SCFD2: variants seen among roughly 807,000 people sequenced by gnomAD.
SCFD2 encodes sec1 family domain-containing protein 2.
A neutral mutation model predicts 58.9 loss-of-function variants in SCFD2; 54 were observed. That is an observed-to-expected ratio of 0.92 (90% CI 0.74 to 1.15). The LOEUF (loss-of-function observed/expected upper bound fraction) is 1.15, where lower values mean the gene tolerates loss of function less well. Among genes scored for constraint, SCFD2 ranks in the 50% most tolerant of loss-of-function variants. The pLI, the probability that SCFD2 is intolerant of heterozygous loss-of-function variation, is 0.00. For missense variants in SCFD2, 805 were observed against 836.6 expected, an observed-to-expected ratio of 0.96 and a Z score of 0.47; for synonymous variants, 321 against 335.9, an observed-to-expected ratio of 0.96 and a Z score of 0.49.
At chr4:53,195,788 A>T (rs1728040936) in intron 4 of SCFD2, among the ~76,000 whole-genome samples, 1 of 152,194 alleles carries the variant, frequency 6.6e-6, no homozygotes, top group African/African-American at 2.4e-5. Flanking sequence ...GTTATTACAC[A>T]TTTAGGGCAA....
At chr4:53,317,172 C>A (rs1732891930) in intron 2 of SCFD2, among the ~76,000 whole-genome samples, 1 of 151,946 alleles carries the variant, frequency 6.6e-6, no homozygotes, top group Admixed American at 6.6e-5. Context: ...TGCTTCCTGT[C>A]CTAAACAGTT....
intron 4 of SCFD2, among the ~76,000 whole-genome samples, chr4:53,162,610 G>C (rs916876415): frequency 1.3e-5 from 2 of 151,406 alleles, no homozygotes; most frequent in African/African-American, 4.9e-5. Flanking sequence ...GTTGTTTCCT[G>C]ACTTTTTAAT....
At chr4:53,183,047 G>C (rs1430962019) in intron 4 of SCFD2, among the ~76,000 whole-genome samples, 9 of 152,198 alleles carry the variant, frequency 5.9e-5, no homozygotes, top group Admixed American at 5.2e-4. Context: ...CTTTTACACT[G>C]TTGGTGAGCC....
chr4:53,307,287 C>T (rs552454747), intron 3 of SCFD2, among the ~76,000 whole-genome samples: 7 of 152,294 alleles, frequency 4.6e-5, no homozygotes, highest in African/African-American at 1.4e-4. Context: ...AAGGCAGAAC[C>T]ATCTTTATAA....
chr4:52,927,546 T>G (rs1437660655), intron 5 of SCFD2, among the ~76,000 whole-genome samples: 1 of 152,252 alleles, frequency 6.6e-6, no homozygotes, highest in Non-Finnish European at 1.5e-5. Context: ...CCATTTTTAC[T>G]GAGTCTTTCA....
intron 5 of SCFD2, among the ~76,000 whole-genome samples, chr4:52,972,498 A>T (rs180906045): frequency 3.9e-4 from 59 of 152,336 alleles, no homozygotes; most frequent in African/African-American, 1.3e-3. Flanking sequence ...CCAATACAGG[A>T]GCACCCAGAT....
At chr4:53,311,916 G>C (rs1560441879) in intron 3 of SCFD2, among the ~76,000 whole-genome samples, 2 of 152,088 alleles carry the variant, frequency 1.3e-5, no homozygotes, top group Non-Finnish European at 2.9e-5. Context: ...TTATAGTCGA[G>C]AGCCACTGCG....
chr4:53,169,790 T>G (rs1727122863), intron 4 of SCFD2, among the ~76,000 whole-genome samples: 1 of 152,248 alleles, frequency 6.6e-6, no homozygotes, highest in Non-Finnish European at 1.5e-5. Context: ...ATTAGTGATT[T>G]GGGGCATGTT....
At chr4:53,300,656 G>C (rs1015921583) in intron 3 of SCFD2, among the ~76,000 whole-genome samples, 2 of 152,172 alleles carry the variant, frequency 1.3e-5, no homozygotes, top group Non-Finnish European at 2.9e-5. Flanking sequence ...ATTCTTTTCA[G>C]CACCACACCA....
In SCFD2 at chr4:52,920,836, T is replaced by A. The variant is rs781318544; in HGVS notation, c.1596A>T (p.Lys532Asn). The change falls in exon 6 of 9, where the codon AAA (lysine) becomes AAT (asparagine). Residue 532 changes from lysine to asparagine, a missense_variant. Lys to Asn is a moderately conservative substitution (Grantham distance 94). Transcript: ENST00000401642. ...AGAGTTCATCCACGGCAATTTTGGA[T>A]TTGTGAAATGTCAGATTAATTGAAG... Reference protein sequence around the residue: ...WDSSINLTFHKSKIAVDELFT... With the variant: ...WDSSINLTFHNSKIAVDELFT... The A allele has an allele frequency of 6.2e-7, 1 of 1,611,816 alleles. No homozygotes were observed. The highest frequency in any genetic ancestry group is 1.7e-5 in the Admixed American group (1 of 59,800).
chr4:52,967,231 G>T (rs1286650921), intron 5 of SCFD2, among the ~76,000 whole-genome samples: 1 of 151,990 alleles, frequency 6.6e-6, no homozygotes, highest in Non-Finnish European at 1.5e-5. Flanking sequence ...TTCTACCATG[G>T]TCTCACTCTT....
chr4:53,295,163 T>C (rs1577940030), intron 3 of SCFD2, among the ~76,000 whole-genome samples: 1 of 152,212 alleles, frequency 6.6e-6, no homozygotes, highest in Admixed American at 6.5e-5. Flanking sequence ...TAGTTTTTTT[T>C]CCAATTCTGT....
chr4:53,229,303 A>G (rs541222381), intron 4 of SCFD2, among the ~76,000 whole-genome samples: 28 of 152,180 alleles, frequency 1.8e-4, no homozygotes, highest in East Asian at 3.9e-4. Context: ...AAAAGAGCCC[A>G]CATTGCCAAG....
chr4:53,161,208 G>A (rs1444551036), intron 4 of SCFD2, among the ~76,000 whole-genome samples: 2 of 152,150 alleles, frequency 1.3e-5, no homozygotes, highest in Non-Finnish European at 2.9e-5. Flanking sequence ...TAATCTTCCA[G>A]GTTGAGCTGG....
intron 7 of SCFD2, 29 bp from the exon 8 acceptor site, chr4:52,885,895 A>G (rs1444829737): frequency 1.5e-5 from 25 of 1,612,932 alleles, no homozygotes; most frequent in African/African-American, 4.0e-5. Context: ...GCAATATCAG[A>G]TGGATGGCAG....
chr4:53,338,569 ATTTTTCTT>A (rs1205514015), intron 2 of SCFD2, among the ~76,000 whole-genome samples: 8 of 58,376 alleles, frequency 1.4e-4, no homozygotes, highest in African/African-American at 4.6e-4. Flanking sequence ...AAAGCAGTAT[ATTTTTCTT>A]TTTTTTTTTT....
At chr4:53,016,913 C>A (rs1466632291) in intron 5 of SCFD2, among the ~76,000 whole-genome samples, 2 of 152,154 alleles carry the variant, frequency 1.3e-5, no homozygotes, top group East Asian at 3.9e-4. Context: ...TCGAGACCAT[C>A]CTGGCTAACA....
chr4:52,975,888 C>G (rs1721246270), intron 5 of SCFD2, among the ~76,000 whole-genome samples: 3 of 151,930 alleles, frequency 2.0e-5, no homozygotes, highest in Admixed American at 2.0e-4. Flanking sequence ...ACGGATGAAG[C>G]TGGAAACCAT....
chr4:53,268,243 C>G, intron 4 of SCFD2, among the ~76,000 whole-genome samples: 1 of 151,982 alleles, frequency 6.6e-6, no homozygotes, highest in Admixed American at 6.6e-5. Context: ...TGTTGGAACC[C>G]AAGGGGATGG....
Sources: gnomAD v4.1 joint callset for allele counts (sites outside exome capture counted in the v4.1 genomes callset) on GRCh38, gnomAD v4.1.1 for gene constraint, MANE v1.5 for transcripts, NCBI Gene and HGNC (gene_info 2026-07-23, HGNC 2026-07-21) for gene names.